Variants in SLC35F1 observed in about 807,000 individuals in gnomAD.
The protein encoded by SLC35F1 is chromosome 6 open reading frame 169.
Under a neutral mutation model 48.7 loss-of-function variants are expected in SLC35F1, and 14 were observed. That is an observed-to-expected ratio of 0.29 (90% CI 0.19 to 0.45). SLC35F1 has a LOEUF of 0.45. Ranked by LOEUF, SLC35F1 falls within the 20% of genes least tolerant of loss-of-function variation. The pLI, the probability that SLC35F1 is intolerant of heterozygous loss-of-function variation, is 1.00. For missense variants in SLC35F1, 404 were observed against 500.0 expected (o/e 0.81, Z 1.83); for synonymous variants, 190 against 202.2 (o/e 0.94, Z 0.51).
At chr6:118,135,559 T>G (rs1197358646) in intron 1 of SLC35F1, among the ~76,000 whole-genome samples, 1 of 152,188 alleles carries the variant, frequency 6.6e-6, no homozygotes, top group Non-Finnish European at 1.5e-5. Flanking sequence ...TTCATTTGGC[T>G]TGGCTGCTCT....
intron 1 of SLC35F1, among the ~76,000 whole-genome samples, chr6:117,935,439 A>G: frequency 6.6e-6 from 1 of 152,360 alleles, no homozygotes; most frequent in South Asian, 2.1e-4. Context: ...ACTGATTAAT[A>G]CAAACCTTTT....
intron 1 of SLC35F1, among the ~76,000 whole-genome samples, chr6:118,029,449 A>G (rs1433573776): frequency 3.9e-5 from 6 of 151,964 alleles, no homozygotes; most frequent in Non-Finnish European, 5.9e-5. Flanking sequence ...TTTTATTATA[A>G]GTTATTGTTG....
At chr6:118,118,402 G>T (rs1295037169) in intron 1 of SLC35F1, among the ~76,000 whole-genome samples, 1 of 152,086 alleles carries the variant, frequency 6.6e-6, no homozygotes, top group Non-Finnish European at 1.5e-5. Context: ...ATTGACCCTT[G>T]TTACCATGGA....
chr6:117,932,218 T>C (rs965315697), intron 1 of SLC35F1, among the ~76,000 whole-genome samples: 17 of 152,228 alleles, frequency 1.1e-4, no homozygotes, highest in African/African-American at 3.9e-4. Flanking sequence ...ACCTGGAATG[T>C]GGATTTCCCA....
intron 7 of SLC35F1, among the ~76,000 whole-genome samples, chr6:118,308,647 C>A (rs1776339234): frequency 3.3e-5 from 5 of 152,168 alleles, no homozygotes; most frequent in Admixed American, 3.3e-4. Flanking sequence ...ACATCTGTGT[C>A]TTTTTAAAAT....
chr6:118,026,024 G>A (rs1315373919), intron 1 of SLC35F1, among the ~76,000 whole-genome samples: 2 of 152,120 alleles, frequency 1.3e-5, no homozygotes, highest in Non-Finnish European at 1.5e-5. Context: ...TAGGTGCTGT[G>A]GGAGATTCGA....
chr6:117,973,630 A>T (rs1776670997), intron 1 of SLC35F1, among the ~76,000 whole-genome samples: 1 of 151,972 alleles, frequency 6.6e-6, no homozygotes, highest in African/African-American at 2.4e-5. Flanking sequence ...GAATGCAGTC[A>T]TGCTCATTGC....
At chr6:118,197,490 A>C (rs1023599490) in intron 2 of SLC35F1, among the ~76,000 whole-genome samples, 3 of 152,248 alleles carry the variant, frequency 2.0e-5, no homozygotes, top group Non-Finnish European at 4.4e-5. Context: ...AGGCTCAGAC[A>C]AACTCTCCTA....
intron 2 of SLC35F1, among the ~76,000 whole-genome samples, chr6:118,188,443 G>A (rs146142070): frequency 0.023 from 3,558 of 152,030 alleles, 146 homozygotes; most frequent in African/African-American, 0.081. Flanking sequence ...CCAGCTACTC[G>A]GGAGGCTGAG....
At chr6:118,094,497 C>T (rs1277526141) in intron 1 of SLC35F1, among the ~76,000 whole-genome samples, 1 of 152,048 alleles carries the variant, frequency 6.6e-6, no homozygotes, top group African/African-American at 2.4e-5. Flanking sequence ...TGGGGCAGTA[C>T]TCAAGAGGTC....
chr6:118,111,677 T>C lies in SLC35F1; in HGVS notation c.174-42768T>C, dbSNP rs568797446. ...GAGAAATAGAGACAAAATCAATGAA[T>C]GTAAAATAAAATTTTGTTATTCTTA... On this transcript the variant is annotated intron_variant, in intron 1 of 7. Coordinates refer to ENST00000360388, the MANE Select transcript of SLC35F1 (RefSeq NM_001029858.4). Among the ~76,000 whole-genome samples, 16 of 152,234 alleles carry C rather than the reference T, an allele frequency of 1.1e-4. No individual in the cohort carries two copies. In the East Asian group the frequency reaches 2.5e-3, roughly 24 times the overall value.
chr6:117,910,331 T>C (rs912521019), intron 1 of SLC35F1, among the ~76,000 whole-genome samples: 1 of 152,240 alleles, frequency 6.6e-6, no homozygotes, highest in Non-Finnish European at 1.5e-5. Flanking sequence ...GACTAGTCAG[T>C]AATGGATATC....
intron 3 of SLC35F1, among the ~76,000 whole-genome samples, chr6:118,266,681 C>G (rs1391898351): frequency 6.6e-6 from 1 of 152,080 alleles, no homozygotes. Context: ...ATGGCCTGGC[C>G]CTGAGGAAGA....
chr6:117,975,786 A>T (rs956649356), intron 1 of SLC35F1, among the ~76,000 whole-genome samples: 1 of 152,140 alleles, frequency 6.6e-6, no homozygotes, highest in Non-Finnish European at 1.5e-5. Flanking sequence ...AGTTGTTTTC[A>T]TCATTTTTAT....
At chr6:118,226,172 C>T (rs560098654) in intron 2 of SLC35F1, among the ~76,000 whole-genome samples, 1 of 152,198 alleles carries the variant, frequency 6.6e-6, no homozygotes, top group East Asian at 1.9e-4. Context: ...ATAGTCTCAA[C>T]CCAGTTATAA....
intron 1 of SLC35F1, among the ~76,000 whole-genome samples, chr6:118,064,467 T>A (rs1189179612): frequency 6.6e-6 from 1 of 152,198 alleles, no homozygotes; most frequent in Non-Finnish European, 1.5e-5. Context: ...CTTTGCAGTA[T>A]CCCTTAGAAT....
intron 1 of SLC35F1, among the ~76,000 whole-genome samples, chr6:118,061,962 C>T (rs774617386): frequency 5.3e-5 from 8 of 152,106 alleles, no homozygotes; most frequent in African/African-American, 1.4e-4. Context: ...TAACAGGCCA[C>T]GGACTGGTAC....
chr6:118,212,767 G>C (rs947618873), intron 2 of SLC35F1, among the ~76,000 whole-genome samples: 13 of 149,052 alleles, frequency 8.7e-5, no homozygotes, highest in African/African-American at 3.2e-4. Context: ...AGGAAGGAAG[G>C]AAGGAAGGAA....
At chr6:118,313,957 C>T (rs1776400386) in intron 7 of SLC35F1, 71 bp from the exon 8 acceptor site, 14 of 1,400,640 alleles carry the variant, frequency 1.0e-5, no homozygotes, top group Non-Finnish European at 1.4e-5. Context: ...GCTCATGTTT[C>T]TGTGTGCCTC....
Sources: gnomAD v4.1 joint callset for allele counts (sites outside exome capture counted in the v4.1 genomes callset) on GRCh38, gnomAD v4.1.1 for gene constraint, MANE v1.5 for transcripts, NCBI Gene and HGNC (gene_info 2026-07-23, HGNC 2026-07-21) for gene names.